PPP2R2B: variants seen among roughly 807,000 people sequenced by gnomAD.
PPP2R2B encodes the protein protein phosphatase 2 regulatory subunit Bbeta, also known as serine/threonine-protein phosphatase 2A 55 kDa regulatory subunit B beta isoform.
Under a neutral mutation model 46.0 loss-of-function variants are expected in PPP2R2B, and 5 were observed. The observed-to-expected ratio is 0.11, with a 90% CI of 0.06 to 0.23. The LOEUF (loss-of-function observed/expected upper bound fraction) is 0.23, where lower values mean the gene tolerates loss of function less well. Among genes scored for constraint, PPP2R2B ranks in the 10% least tolerant of loss-of-function variants. PPP2R2B has a pLI of 1.00. For synonymous variants in PPP2R2B, 215 were observed against 206.7 expected (o/e 1.04, Z -0.34); for missense variants, 367 against 575.0 (o/e 0.64, Z 3.70).
At chr5:146,605,929 G>C (rs1772216457) in intron 7 of PPP2R2B, among the ~76,000 whole-genome samples, 1 of 152,166 alleles carries the variant, frequency 6.6e-6, no homozygotes, top group South Asian at 2.1e-4. Flanking sequence ...AACATGTACA[G>C]ATATGAATAG....
intron 2 of PPP2R2B, among the ~76,000 whole-genome samples, chr5:146,796,399 T>G (rs1756538707): frequency 6.6e-6 from 1 of 152,188 alleles, no homozygotes; most frequent in Non-Finnish European, 1.5e-5. Flanking sequence ...TAAGTTATTA[T>G]GAGATAGAAC....
chr5:146,715,432 A>G (rs1780441238), intron 2 of PPP2R2B, among the ~76,000 whole-genome samples: 1 of 152,158 alleles, frequency 6.6e-6, no homozygotes, highest in Non-Finnish European at 1.5e-5. Flanking sequence ...TGAAACTACC[A>G]TTTATTGAGT....
intron 6 of PPP2R2B, among the ~76,000 whole-genome samples, chr5:146,639,830 G>A (rs892496046): frequency 1.3e-5 from 2 of 152,088 alleles, no homozygotes; most frequent in African/African-American, 2.4e-5. Flanking sequence ...GGTTTAATAA[G>A]GTAGCTACAT....
chr5:147,021,502 A>G (rs1755266182), intron 1 of PPP2R2B, among the ~76,000 whole-genome samples: 1 of 152,194 alleles, frequency 6.6e-6, no homozygotes, highest in Non-Finnish European at 1.5e-5. Flanking sequence ...AGTGAGCCTA[A>G]AATACTGGGG....
rs562321865 is a variant in PPP2R2B, at chr5:146,763,871, T to G, written c.71-62729A>C. Among the ~76,000 whole-genome samples the G allele has an allele frequency of 4.6e-5, 7 of 152,238 alleles. No individual in the cohort carries two copies. In the South Asian group the frequency reaches 1.5e-3, roughly 32 times the overall value. On this transcript the variant is annotated intron_variant, in intron 2 of 9. Transcript: ENST00000394411. ...CCAAGTAGGTGGGACTACAGGCATG[T>G]GCTACCATGCCTGGCTAATTTTTAT... is the stretch of plus-strand genomic sequence containing the variant.
At chr5:146,681,068 T>C (rs113572042) in intron 5 of PPP2R2B, among the ~76,000 whole-genome samples, 90 of 152,316 alleles carry the variant, frequency 5.9e-4, no homozygotes, top group African/African-American at 1.8e-3. Context: ...CTTACATCAA[T>C]GCATCAGTCG....
intron 2 of PPP2R2B, among the ~76,000 whole-genome samples, chr5:147,066,045 C>T (rs1374369208): frequency 6.6e-6 from 1 of 152,142 alleles, no homozygotes; most frequent in Non-Finnish European, 1.5e-5. Flanking sequence ...AACAGACTGA[C>T]TCCCGAGTCA....
chr5:146,935,794 C>T (rs1383622452), intron 1 of PPP2R2B, among the ~76,000 whole-genome samples: 1 of 152,086 alleles, frequency 6.6e-6, no homozygotes, highest in Non-Finnish European at 1.5e-5. Flanking sequence ...GAGGAGGGAG[C>T]ATGTCTTAAA....
chr5:146,872,556 G>A (rs1314770620), intron 2 of PPP2R2B, among the ~76,000 whole-genome samples: 2 of 151,940 alleles, frequency 1.3e-5, no homozygotes, highest in Non-Finnish European at 2.9e-5. Context: ...TTCATTATAA[G>A]TTTCCCCTTT....
chr5:146,671,164 A>T (rs777752492), intron 5 of PPP2R2B, among the ~76,000 whole-genome samples: 1 of 152,236 alleles, frequency 6.6e-6, no homozygotes, highest in Non-Finnish European at 1.5e-5. Context: ...TGTGTCTTAC[A>T]TCAACAGAAA....
At chr5:146,901,215 A>G (rs762509752) in intron 1 of PPP2R2B, among the ~76,000 whole-genome samples, 15 of 152,184 alleles carry the variant, frequency 9.9e-5, no homozygotes, top group African/African-American at 2.2e-4. Flanking sequence ...TATCTGTACA[A>G]ATAAATTCAA....
At chr5:146,963,878 A>G (rs1752289693) in intron 1 of PPP2R2B, among the ~76,000 whole-genome samples, 1 of 152,212 alleles carries the variant, frequency 6.6e-6, no homozygotes, top group African/African-American at 2.4e-5. Flanking sequence ...TATTGTATAA[A>G]AGGAGTTGTC....
chr5:146,763,093 G>A (rs1754264025), intron 2 of PPP2R2B, among the ~76,000 whole-genome samples: 1 of 152,196 alleles, frequency 6.6e-6, no homozygotes, highest in Non-Finnish European at 1.5e-5. Flanking sequence ...AAGTGGAGAG[G>A]AGAGAAATCA....
rs935665509 is a variant in PPP2R2B at position 146,910,538 on chromosome 5, C to T, written c.79+145127G>A. ...ACTCTAGTCCTGGGAAGATCTCTGA[C>T]CATTAGTTGCCTCATCTGCAAAAGG... is the stretch of plus-strand genomic sequence containing the variant. On this transcript the variant is annotated intron_variant, in intron 1 of 8. Transcript: ENST00000336640. 3.2e-4 allele frequency among the ~76,000 whole-genome samples: 49 copies of T among 152,120 alleles called. 4 individuals carry two copies.
intron 2 of PPP2R2B, among the ~76,000 whole-genome samples, chr5:146,710,428 T>C (rs1405930531): frequency 1.3e-5 from 2 of 152,198 alleles, no homozygotes; most frequent in East Asian, 1.9e-4. Flanking sequence ...TTGATAAAGA[T>C]TGCCTTTTAT....
chr5:146,811,354 G>T (rs939613927), intron 2 of PPP2R2B, among the ~76,000 whole-genome samples: 1 of 152,028 alleles, frequency 6.6e-6, no homozygotes. Flanking sequence ...TCATCACTCC[G>T]CTGAAAGTGT....
chr5:146,955,774 C>CTTTTTTTT (rs5872000), intron 1 of PPP2R2B, among the ~76,000 whole-genome samples: 1 of 115,658 alleles, frequency 8.6e-6, no homozygotes, highest in African/African-American at 3.4e-5. Flanking sequence ...CTTTCTATTA[C>CTTTTTTTT]TTTTTTTTTT....
intron 2 of PPP2R2B, among the ~76,000 whole-genome samples, chr5:147,078,514 G>A (rs1205819437): frequency 1.3e-5 from 2 of 152,096 alleles, no homozygotes; most frequent in South Asian, 2.1e-4. Flanking sequence ...TTGGCCAGGC[G>A]CGGTGGCTCA....
intron 1 of PPP2R2B, among the ~76,000 whole-genome samples, chr5:146,933,543 T>C (rs1355496157): frequency 6.6e-6 from 1 of 152,074 alleles, no homozygotes; most frequent in Non-Finnish European, 1.5e-5. Context: ...TGGGATACCA[T>C]TAAGGGCCAC....
Sources: gnomAD v4.1 joint callset for allele counts (sites outside exome capture counted in the v4.1 genomes callset) on GRCh38, gnomAD v4.1.1 for gene constraint, MANE v1.5 for transcripts, NCBI Gene and HGNC (gene_info 2026-07-23, HGNC 2026-07-21) for gene names.